Variants in ZFAND3 observed in about 807,000 individuals in gnomAD.
ZFAND3 encodes the protein zinc finger AN1-type containing 3, also known as AN1-type zinc finger protein 3.
Under a neutral mutation model 29.6 loss-of-function variants are expected in ZFAND3, and 10 were observed. The observed-to-expected ratio is 0.34, with a 90% CI of 0.21 to 0.57. The LOEUF (loss-of-function observed/expected upper bound fraction) is 0.57, where lower values mean the gene tolerates loss of function less well. Ranked by LOEUF, ZFAND3 falls within the 20% of genes least tolerant of loss-of-function variation. The probability of loss-of-function intolerance (pLI) is 0.86; values close to 1 mark genes in which losing one functional copy is unlikely to be tolerated. For synonymous variants in ZFAND3, 128 were observed against 112.6 expected (o/e 1.14, Z -0.87); for missense variants, 230 against 304.5 (o/e 0.76, Z 1.82).
At chr6:38,117,975 C>T (rs1481503229) in intron 5 of ZFAND3, among the ~76,000 whole-genome samples, 1 of 152,152 alleles carries the variant, frequency 6.6e-6, no homozygotes, top group African/African-American at 2.4e-5. Flanking sequence ...CGGTACTCCA[C>T]GAGATTAGAA....
At chr6:38,141,465 C>T (rs1765952869) in intron 5 of ZFAND3, among the ~76,000 whole-genome samples, 2 of 152,200 alleles carry the variant, frequency 1.3e-5, no homozygotes, top group African/African-American at 4.8e-5. Flanking sequence ...TTCATGGTGT[C>T]CCTAACCACT....
chr6:38,117,433 A>C (rs1292914172), intron 5 of ZFAND3, among the ~76,000 whole-genome samples: 1 of 151,922 alleles, frequency 6.6e-6, no homozygotes, highest in Non-Finnish European at 1.5e-5. Flanking sequence ...AGGGATGCCT[A>C]CCCACAGTGG....
At chr6:37,997,180 G>T (rs1762865221) in intron 2 of ZFAND3, among the ~76,000 whole-genome samples, 1 of 152,174 alleles carries the variant, frequency 6.6e-6, no homozygotes, top group African/African-American at 2.4e-5. Flanking sequence ...AAGGGGTTTA[G>T]TTATTTATAC....
chr6:38,083,694 A>G lies in ZFAND3; in HGVS notation c.361+1237A>G, dbSNP rs192274922. On this transcript the variant is annotated intron_variant, in intron 4 of 5. Coordinates refer to ENST00000287218, the MANE Select transcript of ZFAND3 (RefSeq NM_021943.3). ...GGCTTTACTGTTAAGCACTACCACT[A>G]TGTTCAGGTAGCAGTCAAGGAGTTG... Among the ~76,000 whole-genome samples, 30 of 152,186 alleles carry G rather than the reference A, an allele frequency of 2.0e-4. No individual in the cohort carries two copies. The East Asian group carries it at 4.1e-3, about 21-fold the overall frequency.
At chr6:37,920,571 G>A (rs1280652538) in intron 1 of ZFAND3, among the ~76,000 whole-genome samples, 1 of 152,108 alleles carries the variant, frequency 6.6e-6, no homozygotes, top group Non-Finnish European at 1.5e-5. Flanking sequence ...TTGAATTTGG[G>A]CATAAAATGC....
At chr6:37,875,421 G>A (rs1178919445) in intron 1 of ZFAND3, among the ~76,000 whole-genome samples, 2 of 151,848 alleles carry the variant, frequency 1.3e-5, no homozygotes, top group Non-Finnish European at 2.9e-5. Flanking sequence ...TAATGCATTA[G>A]TTGTTGCTGT....
intron 2 of ZFAND3, among the ~76,000 whole-genome samples, chr6:38,023,242 G>A (rs1175429410): frequency 6.6e-6 from 1 of 152,148 alleles, no homozygotes; most frequent in African/African-American, 2.4e-5. Flanking sequence ...TCTAGAGAAG[G>A]AGCTATGCAT....
chr6:37,951,095 C>G (rs1409846976), intron 2 of ZFAND3, among the ~76,000 whole-genome samples: 2 of 152,118 alleles, frequency 1.3e-5, no homozygotes, highest in African/African-American at 2.4e-5. Context: ...CCCTGGTTAG[C>G]TGTATTCCTA....
At chr6:38,125,449 T>C (rs559704677) in intron 5 of ZFAND3, among the ~76,000 whole-genome samples, 1 of 152,124 alleles carries the variant, frequency 6.6e-6, no homozygotes, top group Non-Finnish European at 1.5e-5. Context: ...GAGCTCCCTC[T>C]CCCTAAGCAA....
chr6:37,935,950 C>T (rs1348646906), intron 2 of ZFAND3, among the ~76,000 whole-genome samples: 1 of 152,032 alleles, frequency 6.6e-6, no homozygotes, highest in Non-Finnish European at 1.5e-5. Flanking sequence ...AATATTCCTG[C>T]CTCTTACAAA....
intron 4 of ZFAND3, among the ~76,000 whole-genome samples, chr6:38,106,451 A>G (rs912116954): frequency 6.6e-6 from 1 of 152,192 alleles, no homozygotes; most frequent in Non-Finnish European, 1.5e-5. Flanking sequence ...CTCCCGGCCT[A>G]CAAATGACAT....
intron 1 of ZFAND3, among the ~76,000 whole-genome samples, chr6:37,909,362 C>G (rs187648151): frequency 2.0e-5 from 3 of 151,444 alleles, no homozygotes; most frequent in Admixed American, 2.0e-4. Flanking sequence ...TCACTGCATC[C>G]TCCGCCTCCC....
At chr6:38,001,525 T>C (rs1762948405) in intron 2 of ZFAND3, among the ~76,000 whole-genome samples, 1 of 152,248 alleles carries the variant, frequency 6.6e-6, no homozygotes, top group Non-Finnish European at 1.5e-5. Context: ...TAAACTCTAT[T>C]ACAGTCTTAT....
intron 2 of ZFAND3, among the ~76,000 whole-genome samples, chr6:38,021,900 A>G (rs994275811): frequency 1.3e-5 from 2 of 152,228 alleles, no homozygotes; most frequent in African/African-American, 2.4e-5. Context: ...CAGAGAAAGA[A>G]TGGCTTAGAT....
rs571622706 is a variant in ZFAND3 at position 37,826,173 on chromosome 6, A to G, written c.71+6157A>G. ...TCAGCAAAGCTACTTGAAGGAAGTG[A>G]TTGGTCTTGACCCAGCACTTGTAAT... On this transcript the variant is annotated intron_variant, in intron 1 of 5. Transcript: ENST00000287218. Among the ~76,000 whole-genome samples, 8 of 152,254 alleles carry G rather than the reference A, an allele frequency of 5.3e-5. No individual in the cohort carries two copies. The East Asian group carries it at 1.5e-3, about 29-fold the overall frequency.
intron 3 of ZFAND3, among the ~76,000 whole-genome samples, chr6:38,076,335 G>A (rs1274006372): frequency 6.6e-6 from 1 of 152,078 alleles, no homozygotes; most frequent in East Asian, 1.9e-4. Context: ...CAAAAAATTT[G>A]TGCAACTCGA....
At chr6:38,069,002 G>A (rs1388955394) in intron 3 of ZFAND3, among the ~76,000 whole-genome samples, 2 of 152,110 alleles carry the variant, frequency 1.3e-5, no homozygotes, top group Non-Finnish European at 2.9e-5. Flanking sequence ...AGACTGCCCC[G>A]GGTCTTTGAA....
chr6:37,972,858 G>T (rs992935262), intron 2 of ZFAND3, among the ~76,000 whole-genome samples: 1 of 152,090 alleles, frequency 6.6e-6, no homozygotes, highest in Non-Finnish European at 1.5e-5. Flanking sequence ...AGAAACAAGT[G>T]CTGTGAAGTC....
intron 3 of ZFAND3, among the ~76,000 whole-genome samples, chr6:38,075,127 G>C (rs566306056): frequency 3.2e-4 from 48 of 152,270 alleles, no homozygotes; most frequent in Non-Finnish European, 5.7e-4. Flanking sequence ...TGTAGTCCAT[G>C]GATTAAGGAG....
Sources: gnomAD v4.1 joint callset for allele counts (sites outside exome capture counted in the v4.1 genomes callset) on GRCh38, gnomAD v4.1.1 for gene constraint, MANE v1.5 for transcripts, NCBI Gene and HGNC (gene_info 2026-07-23, HGNC 2026-07-21) for gene names.